The following CACNA1A variants were observed in gnomAD, a reference collection of about 807,000 sequenced individuals.
CACNA1A encodes voltage-dependent P/Q-type calcium channel subunit alpha-1A.
In CACNA1A, 57 loss-of-function variants were observed where a neutral mutation model predicts 262.4. The observed-to-expected ratio is 0.22, with a 90% CI of 0.18 to 0.27. The LOEUF (loss-of-function observed/expected upper bound fraction) is 0.27, where lower values mean the gene tolerates loss of function less well. Among genes scored for constraint, CACNA1A ranks in the 10% least tolerant of loss-of-function variants. CACNA1A has a pLI of 1.00. For synonymous variants in CACNA1A, 1,431 were observed against 1,419.3 expected (o/e 1.01, Z -0.18); for missense variants, 2,526 against 3,562.8 (o/e 0.71, Z 7.41).
chr19:13,291,811 A>G (rs1249377258), intron 19 of CACNA1A, among the ~76,000 whole-genome samples: 2 of 151,752 alleles, frequency 1.3e-5, no homozygotes, highest in African/African-American at 2.4e-5. Flanking sequence ...TTTTTTTTTA[A>G]AAAAACCAAC....
In CACNA1A at chr19:13,388,759, GT is replaced by G. The variant is rs539945597; in HGVS notation, c.540-16981del. Among the ~76,000 whole-genome samples the G allele has an allele frequency of 9.1e-4, 138 of 152,202 alleles. No homozygotes were observed. In the Middle Eastern group the frequency reaches 0.01, roughly 11 times the overall value. ...CCCTCCCAGAGACAACTGAGAGAAT[GT>G]TTAATTTGGCCTTATAGGAGTGCAT... On this transcript the variant is annotated intron_variant, in intron 3 of 46. Coordinates refer to ENST00000360228, the MANE Select transcript of CACNA1A (RefSeq NM_001127222.2).
At chr19:13,416,891 T>G (rs2060231723) in intron 3 of CACNA1A, among the ~76,000 whole-genome samples, 1 of 152,208 alleles carries the variant, frequency 6.6e-6, no homozygotes, top group South Asian at 2.1e-4. Context: ...TGTAGCTACT[T>G]GGGAGGCTGA....
At chr19:13,346,008 C>A (rs542100609) in intron 6 of CACNA1A, among the ~76,000 whole-genome samples, 11 of 147,502 alleles carry the variant, frequency 7.5e-5, no homozygotes, top group African/African-American at 2.8e-4. Context: ...TCAAGCGATT[C>A]TCGAGTCTCA....
At chr19:13,477,992 C>T (rs1978764533) in intron 1 of CACNA1A, among the ~76,000 whole-genome samples, 1 of 152,074 alleles carries the variant, frequency 6.6e-6, no homozygotes, top group Non-Finnish European at 1.5e-5. Flanking sequence ...AGCAACAGTC[C>T]ACCTCCTCCA....
intron 24 of CACNA1A, chr19:13,273,413 T>G (rs2144821852): frequency 6.6e-6 from 1 of 152,308 alleles, no homozygotes; most frequent in East Asian, 1.9e-4. Flanking sequence ...TTCCAAGGGT[T>G]GATTTACCTC....
intron 11 of CACNA1A, among the ~76,000 whole-genome samples, chr19:13,314,172 C>T (rs1274774060): frequency 6.6e-6 from 1 of 151,938 alleles, no homozygotes; most frequent in Non-Finnish European, 1.5e-5. Context: ...TTAGGAAGGG[C>T]GTGGGTACTT....
At chr19:13,408,513 A>G (rs894751866) in intron 3 of CACNA1A, among the ~76,000 whole-genome samples, 1 of 152,262 alleles carries the variant, frequency 6.6e-6, no homozygotes, top group Admixed American at 6.5e-5. Context: ...AAGTCCTTTT[A>G]CAAATTCCTT....
At chr19:13,373,170 A>C (rs1213926384) in intron 3 of CACNA1A, among the ~76,000 whole-genome samples, 2 of 152,196 alleles carry the variant, frequency 1.3e-5, no homozygotes, top group East Asian at 3.8e-4. Flanking sequence ...GTTTATTTTT[A>C]TTTTAGACAT....
At chr19:13,395,635 G>A (rs914921264) in intron 3 of CACNA1A, among the ~76,000 whole-genome samples, 1 of 145,278 alleles carries the variant, frequency 6.9e-6, no homozygotes, top group Non-Finnish European at 1.5e-5. Context: ...AAAAAAAAAA[G>A]AAATTATCTA....
chr19:13,377,373 A>AT (rs1169102792), intron 3 of CACNA1A, among the ~76,000 whole-genome samples: 2,194 of 140,096 alleles, frequency 0.016, 34 homozygotes, highest in African/African-American at 0.044. Flanking sequence ...CTAACACAAC[A>AT]TTTTTTTTTT....
chr19:13,223,349 C>T lies in CACNA1A; in HGVS notation c.5731+1318G>A, dbSNP rs186754957. 4.3e-3 allele frequency among the ~76,000 whole-genome samples: 652 copies of T among 152,252 alleles called. 6 individuals carry two copies. Among genetic ancestry groups the T allele is most frequent in the African/African-American group, 0.014 (588 of 41,550 alleles). On this transcript the variant is annotated intron_variant, in intron 38 of 46. Transcript: ENST00000360228. ...GCTGGGACTACAGTACCCACCACCA[C>T]GTCTGGCTAAATTTTGTATTTTTAG...
rs1182689677 is a variant in CACNA1A, at chr19:13,241,952, C to G, written c.4950+3230G>C. 6.6e-6 allele frequency among the ~76,000 whole-genome samples: 1 copy of G among 152,146 alleles called. No individual in the cohort carries two copies. Among genetic ancestry groups the G allele is most frequent in the Non-Finnish European group, 1.5e-5 (1 of 68,012 alleles). On this transcript the variant is annotated intron_variant, in intron 31 of 46. Transcript: ENST00000360228. The surrounding 1 kb of genome is among the most constrained non-coding windows in gnomAD (Gnocchi z 4.0). ...CCTCTGCCCCCTAAACCCCAGGGAC[C>G]TGCCCGCCCAAGCATCTGGCATTTC... is the stretch of plus-strand genomic sequence containing the variant.
Position 13,214,753 on chromosome 19 carries a change from C to T in CACNA1A, c.5732-145G>A. On this transcript the variant is annotated intron_variant, in intron 38 of 46. Coordinates refer to ENST00000360228, the MANE Select transcript of CACNA1A (RefSeq NM_001127222.2). The surrounding 1 kb of genome is among the most constrained non-coding windows in gnomAD (Gnocchi z 4.1). Reference sequence around the variant, plus strand: ...TCTCCAGTTCCCCAACGGCCTGGCCCAGAGGAGGCCCTGGGCAGTGCTGCT... The same window carrying T: ...TCTCCAGTTCCCCAACGGCCTGGCCTAGAGGAGGCCCTGGGCAGTGCTGCT... 1.5e-6 allele frequency: 1 copy of T among 661,340 alleles called. No individual in the cohort carries two copies. The highest frequency in any genetic ancestry group is 2.7e-6 in the Non-Finnish European group (1 of 375,036). The allele number at this position is 661,340 out of a possible 1,614,324, so 41.0% of individuals were successfully genotyped here.
chr19:13,449,007 C>T (rs1348256255), intron 3 of CACNA1A, among the ~76,000 whole-genome samples: 1 of 151,452 alleles, frequency 6.6e-6, no homozygotes, highest in Non-Finnish European at 1.5e-5. Flanking sequence ...TACTTTGTTG[C>T]CCAGCCTGGA....
chr19:13,361,626 TA>T (rs1599282899), intron 5 of CACNA1A, among the ~76,000 whole-genome samples: 1 of 152,196 alleles, frequency 6.6e-6, no homozygotes, highest in African/African-American at 2.4e-5. Context: ...CAGAGGGAAA[TA>T]AACCAATGCT....
At chr19:13,287,831 C>G (rs2057440863) in intron 19 of CACNA1A, among the ~76,000 whole-genome samples, 1 of 140,158 alleles carries the variant, frequency 7.1e-6, no homozygotes, top group South Asian at 2.5e-4. Context: ...CAGACAGGGT[C>G]TTACTCTGTT....
chr19:13,270,751 G>A (rs776616060), intron 24 of CACNA1A, among the ~76,000 whole-genome samples: 7 of 152,222 alleles, frequency 4.6e-5, no homozygotes, highest in Non-Finnish European at 8.8e-5. Flanking sequence ...TGACAGTGGG[G>A]TGGGGAGGGT....
intron 24 of CACNA1A, chr19:13,263,107 G>A: frequency 2.3e-6 from 1 of 443,380 alleles, no homozygotes; most frequent in Non-Finnish European, 4.2e-6. Context: ...AGCTGTATTG[G>A]GTGTCCCTGA....
intron 3 of CACNA1A, among the ~76,000 whole-genome samples, chr19:13,392,181 A>G (rs2059722140): frequency 6.6e-6 from 1 of 152,100 alleles, no homozygotes; most frequent in Non-Finnish European, 1.5e-5. Flanking sequence ...ACTGCACTCG[A>G]GCCTGGTCAA....
Sources: gnomAD v4.1 joint callset for allele counts (sites outside exome capture counted in the v4.1 genomes callset) on GRCh38, gnomAD v4.1.1 for gene constraint, Gnocchi (gnomAD v3.1) non-coding constraint, MANE v1.5 for transcripts, NCBI Gene and HGNC (gene_info 2026-07-23, HGNC 2026-07-21) for gene names.